SPECC1: variants seen among roughly 807,000 people sequenced by gnomAD.
SPECC1 encodes cytospin-B.
SPECC1 carries 62 observed loss-of-function variants against 104.1 expected under a neutral mutation model. That is an observed-to-expected ratio of 0.60 (90% CI 0.49 to 0.74). The LOEUF is 0.74. Among genes scored for constraint, SPECC1 ranks in the 30% least tolerant of loss-of-function variants. The pLI, the probability that SPECC1 is intolerant of heterozygous loss-of-function variation, is 0.00. For missense variants in SPECC1, 1,306 were observed against 1,310.5 expected, an observed-to-expected ratio of 1.00 and a Z score of 0.05; for synonymous variants, 513 against 501.6, an observed-to-expected ratio of 1.02 and a Z score of -0.30.
At chr17:20,026,699 G>T (rs1005736842) in intron 1 of SPECC1, among the ~76,000 whole-genome samples, 1 of 152,120 alleles carries the variant, frequency 6.6e-6, no homozygotes, top group East Asian at 1.9e-4. Flanking sequence ...TGCACATTTA[G>T]ATTTATTCCC....
intron 1 of SPECC1, among the ~76,000 whole-genome samples, chr17:20,047,934 GC>G (rs1413012766): frequency 1.3e-5 from 2 of 152,038 alleles, no homozygotes; most frequent in South Asian, 2.1e-4. Context: ...GACTTCTTCA[GC>G]AATTCCACTT....
intron 3 of SPECC1, among the ~76,000 whole-genome samples, chr17:20,113,949 C>G (rs2048623217): frequency 6.6e-6 from 1 of 152,166 alleles, no homozygotes; most frequent in Non-Finnish European, 1.5e-5. Flanking sequence ...AAATCCAGAT[C>G]TACTGCAATC....
intron 11 of SPECC1, among the ~76,000 whole-genome samples, chr17:20,259,821 T>A (rs2039962966): frequency 6.6e-6 from 1 of 152,184 alleles, no homozygotes; most frequent in Non-Finnish European, 1.5e-5. Flanking sequence ...AATCTACCTT[T>A]TACATGTTAT....
chr17:20,317,814 G>T lies in SPECC1; in HGVS notation c.*3749G>T. The T allele has an allele frequency of 4.4e-6, 1 of 225,368 alleles. No homozygotes were observed. The highest frequency in any genetic ancestry group is 2.2e-5 in the African/African-American group (1 of 44,958). The allele number at this position is 225,368 out of a possible 1,614,324, so 14.0% of individuals were successfully genotyped here. On this transcript the variant is annotated 3_prime_UTR_variant, in exon 15 of 15. Transcript: ENST00000395527. ...CTGGAACTGTGACTGATGGCCTCAGGAGTCCAGGAATAGGCCTTCTAGCAC... is the reference window on the plus strand; with the variant it reads ...CTGGAACTGTGACTGATGGCCTCAGTAGTCCAGGAATAGGCCTTCTAGCAC...
chr17:20,020,648 T>G (rs929703538), intron 1 of SPECC1, among the ~76,000 whole-genome samples: 2 of 152,220 alleles, frequency 1.3e-5, no homozygotes, highest in African/African-American at 4.8e-5. Flanking sequence ...TTCCTTGGTT[T>G]TAGACCTCAG....
At chr17:20,120,337 G>A (rs959550682) in intron 3 of SPECC1, among the ~76,000 whole-genome samples, 6 of 152,056 alleles carry the variant, frequency 3.9e-5, no homozygotes, top group South Asian at 2.1e-4. Context: ...AGTGAGCCGA[G>A]ATTGTGCCAC....
chr17:20,262,930 C>G (rs1483782373), intron 12 of SPECC1, among the ~76,000 whole-genome samples: 1 of 151,970 alleles, frequency 6.6e-6, no homozygotes, highest in African/African-American at 2.4e-5. Flanking sequence ...GGATTGTTTG[C>G]GCCCAGGAGT....
chr17:20,140,329 T>A (rs951476684), intron 3 of SPECC1, among the ~76,000 whole-genome samples: 5 of 152,206 alleles, frequency 3.3e-5, no homozygotes, highest in Admixed American at 3.3e-4. Flanking sequence ...CAGTTTTAGT[T>A]TTTTTAAACA....
At chr17:20,296,337 G>C (rs1213142962) in intron 12 of SPECC1, among the ~76,000 whole-genome samples, 1 of 152,202 alleles carries the variant, frequency 6.6e-6, no homozygotes, top group African/African-American at 2.4e-5. Flanking sequence ...TTGTAGATGT[G>C]TGGTATTATT....
At position 20,150,422 on chromosome 17, in the gene SPECC1, C is replaced by T. The variant is rs1034159279; in HGVS notation, c.283+39860C>T. 1.8e-4 allele frequency among the ~76,000 whole-genome samples: 27 copies of T among 151,828 alleles called. 1 individual carries two copies. The East Asian group carries it at 2.3e-3, about 13-fold the overall frequency. ...TGGGAGGCCGAGGCGGGCAGATCAC[C>T]TGAGGTCGGGAGTTCGAGACTAGCC... On this transcript the variant is annotated intron_variant, in intron 3 of 14. Coordinates refer to ENST00000395527, the MANE Select transcript of SPECC1 (RefSeq NM_001243439.2).
chr17:20,167,672 A>G (rs888203485), intron 3 of SPECC1, among the ~76,000 whole-genome samples: 8 of 152,190 alleles, frequency 5.3e-5, no homozygotes, highest in Non-Finnish European at 1.2e-4. Flanking sequence ...GAGTGAAACT[A>G]CGTCTCAAAA....
At chr17:20,015,604 A>ATTTTTTTTTT (rs2044090987) in intron 1 of SPECC1, among the ~76,000 whole-genome samples, 1 of 37,572 alleles carries the variant, frequency 2.7e-5, no homozygotes, top group African/African-American at 9.0e-5. Flanking sequence ...TTTTTTTTTG[A>ATTTTTTTTTT]GGTGGAGTCT....
intron 1 of SPECC1, among the ~76,000 whole-genome samples, chr17:20,079,216 A>G (rs1253053583): frequency 6.6e-6 from 1 of 152,104 alleles, no homozygotes; most frequent in African/African-American, 2.4e-5. Flanking sequence ...GTCCCCACAC[A>G]CGGCTCGTAG....
At chr17:20,061,228 C>T (rs151017485) in intron 1 of SPECC1, among the ~76,000 whole-genome samples, 161 of 152,240 alleles carry the variant, frequency 1.1e-3, no homozygotes, top group African/African-American at 3.5e-3. Flanking sequence ...CCCGCCACCA[C>T]GCCCGGCTAA....
At chr17:20,261,501 C>CAAAA (rs75833770) in intron 12 of SPECC1, among the ~76,000 whole-genome samples, 13 of 54,760 alleles carry the variant, frequency 2.4e-4, no homozygotes, top group Non-Finnish European at 4.5e-4. Context: ...GACTCCGTCT[C>CAAAA]AAAAAAAAAA....
intron 4 of SPECC1, among the ~76,000 whole-genome samples, chr17:20,224,415 T>A (rs2038085516): frequency 1.3e-5 from 2 of 152,208 alleles, no homozygotes; most frequent in Admixed American, 1.3e-4. Context: ...GCCAGGCTTG[T>A]ATCTTTCCCT....
At chr17:20,131,262 G>T (rs1005289712) in intron 3 of SPECC1, among the ~76,000 whole-genome samples, 1 of 152,100 alleles carries the variant, frequency 6.6e-6, no homozygotes. Flanking sequence ...CATGATCTCG[G>T]CTCACTGCAA....
intron 3 of SPECC1, among the ~76,000 whole-genome samples, chr17:20,129,558 G>T (rs1282723719): frequency 1.3e-5 from 2 of 151,912 alleles, no homozygotes; most frequent in African/African-American, 4.8e-5. Context: ...TTCTTTATTG[G>T]ATATGTGGTC....
In SPECC1 at chr17:20,244,732, G is replaced by A. The variant is rs2039347483; in HGVS notation, c.2352-1194G>A. Among the ~76,000 whole-genome samples the A allele has an allele frequency of 4.6e-5, 7 of 151,992 alleles. No individual in the cohort carries two copies. In the South Asian group the frequency reaches 1.2e-3, roughly 27 times the overall value. On this transcript the variant is annotated intron_variant, in intron 7 of 14. Coordinates refer to ENST00000395527, the MANE Select transcript of SPECC1 (RefSeq NM_001243439.2). ...TACTGATTTATTTTAAACTTCCACC[G>A]ACCTTATTGAAATATACTTCCAGAA...
Sources: allele counts gnomAD v4.1 joint callset (sites outside exome capture counted in the v4.1 genomes callset), GRCh38; gene constraint gnomAD v4.1.1; transcripts MANE v1.5; gene names NCBI Gene and HGNC (gene_info 2026-07-23, HGNC 2026-07-21).